The following RRN3 variants were observed in gnomAD, a reference collection of about 807,000 sequenced individuals.
The protein encoded by RRN3 is RNA polymerase I transcription factor RRN3.
RRN3 carries 38 observed loss-of-function variants against 82.3 expected under a neutral mutation model. The observed-to-expected ratio is 0.46, with a 90% CI of 0.36 to 0.61. The LOEUF (loss-of-function observed/expected upper bound fraction) is 0.61, where lower values mean the gene tolerates loss of function less well. RRN3 is among the 20% of genes least tolerant of loss of function. RRN3 has a pLI of 0.00. For missense variants in RRN3, 726 were observed against 793.1 expected (o/e 0.92, Z 1.02); for synonymous variants, 284 against 284.3 (o/e 1.00, Z 0.01).
intron 13 of RRN3, 72 bp from the exon 14 acceptor site, chr16:15,070,326 T>A: frequency 1.3e-6 from 2 of 1,526,842 alleles, no homozygotes; most frequent in Non-Finnish European, 1.8e-6. Context: ...AACACACAAC[T>A]GCCTTTCATT....
At position 15,063,292 on chromosome 16, in the gene RRN3, A is replaced by G. The variant is rs1388726987; in HGVS notation, c.1707-9T>C. On this transcript the variant is annotated splice_polypyrimidine_tract_variant and intron_variant, in intron 16 of 17. Transcript: ENST00000198767. ...CAATGAATTTCTTTGACCTGTCAACAAAGATCACATTTCAAAGTCAAGTTA... is the reference window on the plus strand; with the variant it reads ...CAATGAATTTCTTTGACCTGTCAACGAAGATCACATTTCAAAGTCAAGTTA... 1.9e-6 allele frequency: 3 copies of G among 1,600,588 alleles called. No homozygotes were observed. The Admixed American group carries it at 5.0e-5, about 27-fold the overall frequency.
chr16:15,077,508 C>G (rs1316988838), intron 9 of RRN3, among the ~76,000 whole-genome samples: 1 of 152,130 alleles, frequency 6.6e-6, no homozygotes, highest in Non-Finnish European at 1.5e-5. Context: ...CGCCATGATT[C>G]TGAGGCCTCC....
At position 15,085,008 on chromosome 16, in the gene RRN3, G is replaced by A. The variant is rs192123194; in HGVS notation, c.533-303C>T. Among the ~76,000 whole-genome samples the A allele has an allele frequency of 1.6e-3, 247 of 152,126 alleles. 1 individual carries two copies. Among genetic ancestry groups the A allele is most frequent in the African/African-American group, 5.5e-3 (228 of 41,486 alleles). ...TTGAACCTGGGAGGTGAAGGCTGCA[G>A]CGAACCGAGATCACACCACTATACT... On this transcript the variant is annotated intron_variant, in intron 6 of 17. Coordinates refer to ENST00000198767, the MANE Select transcript of RRN3 (RefSeq NM_018427.5).
chr16:15,077,591 G>A (rs35512524), intron 9 of RRN3, among the ~76,000 whole-genome samples: 17 of 152,038 alleles, frequency 1.1e-4, no homozygotes, highest in African/African-American at 1.9e-4. Flanking sequence ...CCTGTAATCC[G>A]AGCTCTTTGG....
intron 3 of RRN3, among the ~76,000 whole-genome samples, chr16:15,090,562 G>A (rs1019077419): frequency 2.4e-4 from 36 of 152,298 alleles, no homozygotes; most frequent in African/African-American, 7.2e-4. Context: ...TCACACCTGT[G>A]AATAGCCAGA....
Position 15,074,762 on chromosome 16 carries a change from A to G in RRN3, c.958T>C (p.Leu320=), listed in dbSNP as rs1341494017. 4 of 1,614,062 alleles carry G rather than the reference A, an allele frequency of 2.5e-6. No homozygotes were observed. Among genetic ancestry groups the G allele is most frequent in the Non-Finnish European group, 3.4e-6 (4 of 1,179,992 alleles). The change falls in exon 11 of 18, where the codon TTG becomes CTG. Residue 320 remains leucine, a synonymous_variant. Coordinates refer to ENST00000198767, the MANE Select transcript of RRN3 (RefSeq NM_018427.5). The part of the protein sequence containing the change: ...VAERLDILMS[L]VLSYMKDVCY... ...ACATCCTTCATGTAGGACAAAACCA[A>G]AGACATCAGGATGTCCAGGCGCTCG... is the stretch of plus-strand genomic sequence containing the variant.
chr16:15,087,791 T>A (rs1326780239), intron 3 of RRN3, among the ~76,000 whole-genome samples: 2 of 152,150 alleles, frequency 1.3e-5, no homozygotes, highest in Non-Finnish European at 2.9e-5. Context: ...AACAAAACTA[T>A]AAGGATAACA....
chr16:15,093,167 G>A (rs1196755780), intron 1 of RRN3, among the ~76,000 whole-genome samples: 1 of 152,128 alleles, frequency 6.6e-6, no homozygotes, highest in Non-Finnish European at 1.5e-5. Flanking sequence ...ACCATGCCCG[G>A]CTGATTTTTG....
At chr16:15,074,074 A>G (rs1300941047) in intron 11 of RRN3, among the ~76,000 whole-genome samples, 2 of 152,194 alleles carry the variant, frequency 1.3e-5, no homozygotes, top group Admixed American at 1.3e-4. Context: ...AATGCTCACA[A>G]TGGTTCTCTG....
chr16:15,089,025 G>A (rs559291755), intron 3 of RRN3, among the ~76,000 whole-genome samples: 10 of 152,304 alleles, frequency 6.6e-5, no homozygotes, highest in Admixed American at 4.6e-4. Flanking sequence ...AGTCTAGGCC[G>A]GGTGGAGTGG....
At position 15,094,173 on chromosome 16, in the gene RRN3, C is replaced by G. The variant is rs1161260542; in HGVS notation, c.61G>C (p.Val21Leu). 23 of 1,602,294 alleles carry G rather than the reference C, an allele frequency of 1.4e-5. No individual in the cohort carries two copies. Among genetic ancestry groups the G allele is most frequent in the African/African-American group, 2.7e-5 (2 of 74,830 alleles). Reference protein sequence around the residue: ...PGDAAASSSAVKKLGASRTGI... With the variant: ...PGDAAASSSALKKLGASRTGI... ...GTCCTCGACGCGCCCAGCTTCTTAA[C>G]TGCAGAGGACGAAGCGGCCGCATCT... The change falls in exon 1 of 18, where the codon GTT (valine) becomes CTT (leucine). Residue 21 changes from valine (V) to leucine (L), a missense_variant. Transcript: ENST00000198767.
chr16:15,062,122 C>A (rs2044739290), intron 17 of RRN3, among the ~76,000 whole-genome samples: 1 of 152,186 alleles, frequency 6.6e-6, no homozygotes, highest in African/African-American at 2.4e-5. Flanking sequence ...CGAATCCAGC[C>A]TGGGCAACAT....
intron 10 of RRN3, 105 bp from the exon 11 acceptor site, chr16:15,074,966 G>C: frequency 1.7e-6 from 2 of 1,198,116 alleles, no homozygotes. Flanking sequence ...ATAAAACAAA[G>C]AGGCTGGGGA....
chr16:15,073,786 T>TA (rs1211239564), intron 11 of RRN3, among the ~76,000 whole-genome samples: 1 of 152,220 alleles, frequency 6.6e-6, no homozygotes, highest in East Asian at 1.9e-4. Flanking sequence ...CATTTATTAT[T>TA]ACGACTTTTT....
rs1190980336 is a variant in RRN3, at chr16:15,061,728, TCA to T, written c.*14_*15del. ...GGGAATCCCAAATGTCACATCTCAG[TCA>T]CAAATTTCTGCCGTCAGAGGGGACT... On this transcript the variant is annotated 3_prime_UTR_variant, in exon 18 of 18. Transcript: ENST00000198767. The T allele has an allele frequency of 6.3e-7, 1 of 1,599,288 alleles. No individual in the cohort carries two copies. The highest frequency in any genetic ancestry group is 1.3e-5 in the African/African-American group (1 of 74,822).
Position 15,060,103 on chromosome 16 carries a change from C to T in RRN3, c.*1641G>A, listed in dbSNP as rs2044658844. ...TAACCATGTCATTGTTTCATTTTCA[C>T]CATGGATTTTTTTTCACAAACTCCT... On this transcript the variant is annotated 3_prime_UTR_variant, in exon 18 of 18. Transcript: ENST00000198767. The T allele has an allele frequency of 5.9e-6, 2 of 336,388 alleles. No homozygotes were observed. Among genetic ancestry groups the T allele is most frequent in the East Asian group, 2.0e-4 (2 of 9,982 alleles). The allele number at this position is 336,388 out of a possible 1,614,324, so 20.8% of individuals were successfully genotyped here.
intron 16 of RRN3, 85 bp from the exon 17 acceptor site, chr16:15,063,368 A>G: frequency 3.0e-6 from 3 of 1,010,732 alleles, no homozygotes; most frequent in Non-Finnish European, 4.7e-6. Context: ...CACAAGATCT[A>G]TTACCCAAAA....
In RRN3 at chr16:15,089,591, A is replaced by G. The variant is rs78308713; in HGVS notation, c.252+1724T>C. Among the ~76,000 whole-genome samples, 66 of 151,100 alleles carry G rather than the reference A, an allele frequency of 4.4e-4. 1 individual carries two copies. Among genetic ancestry groups the G allele is most frequent in the South Asian group, 2.5e-3 (12 of 4,762 alleles). The stretch of plus-strand genomic sequence containing the variant: ...CAAGGCGGGCGGATCACGAGGTCAG[A>G]AGATCGAGACCATCCTGGCTAACAT... On this transcript the variant is annotated intron_variant, in intron 3 of 17. Coordinates refer to ENST00000198767, the MANE Select transcript of RRN3 (RefSeq NM_018427.5).
chr16:15,060,349 T>A lies in RRN3; in HGVS notation c.*1395A>T, dbSNP rs1009226081. 5.0e-6 allele frequency: 1 copy of A among 201,414 alleles called. No individual in the cohort carries two copies. Among genetic ancestry groups the A allele is most frequent in the Non-Finnish European group, 1.0e-5 (1 of 96,892 alleles). 12.5% of individuals were successfully genotyped at this position (201,414 alleles called of 1,614,324 possible). A position where few individuals can be genotyped will look rare whatever the true frequency, so the allele number is the denominator to read the frequency against. On this transcript the variant is annotated 3_prime_UTR_variant, in exon 18 of 18. Transcript: ENST00000198767. Reference sequence around the variant, plus strand: ...AGAAAACCACCCATATCCAAAACTTTAAAGCAATAAAAATTTCTATTTTCC... The same window carrying A: ...AGAAAACCACCCATATCCAAAACTTAAAAGCAATAAAAATTTCTATTTTCC...
Sources: gnomAD v4.1 joint callset for allele counts (sites outside exome capture counted in the v4.1 genomes callset) on GRCh38, gnomAD v4.1.1 for gene constraint, MANE v1.5 for transcripts, NCBI Gene and HGNC (gene_info 2026-07-23, HGNC 2026-07-21) for gene names.